The following PRKCA variants were observed in gnomAD, a reference collection of about 807,000 sequenced individuals.
PRKCA encodes the protein protein kinase C alpha type.
PRKCA carries 27 observed loss-of-function variants against 87.0 expected under a neutral mutation model. That is an observed-to-expected ratio of 0.31 (90% CI 0.23 to 0.43). PRKCA has a LOEUF of 0.43. PRKCA is among the 20% of genes least tolerant of loss of function. The probability of loss-of-function intolerance (pLI) is 1.00; values close to 1 mark genes in which losing one functional copy is unlikely to be tolerated. For missense variants in PRKCA, 518 were observed against 852.3 expected (o/e 0.61, Z 4.88); for synonymous variants, 329 against 311.1 (o/e 1.06, Z -0.61).
At chr17:66,371,573 T>C (rs953638567) in intron 2 of PRKCA, among the ~76,000 whole-genome samples, 1 of 152,202 alleles carries the variant, frequency 6.6e-6, no homozygotes, top group Non-Finnish European at 1.5e-5. Flanking sequence ...AGTTTTTTTA[T>C]CTGTAACATG....
chr17:66,544,149 G>A (rs907766077), intron 3 of PRKCA, among the ~76,000 whole-genome samples: 20 of 152,102 alleles, frequency 1.3e-4, no homozygotes, highest in East Asian at 5.8e-4. Flanking sequence ...GCTGGAACCC[G>A]GGAGGTGGAG....
intron 2 of PRKCA, among the ~76,000 whole-genome samples, chr17:66,460,251 C>CTG (rs1172993195): frequency 6.6e-6 from 1 of 152,132 alleles, no homozygotes; most frequent in Non-Finnish European, 1.5e-5. Context: ...GGTATGTGGG[C>CTG]TGTGTGTGTA....
Position 66,810,096 on chromosome 17 carries a change from T to C in PRKCA, c.*6059T>C, listed in dbSNP as rs1976131879. 6.6e-6 allele frequency: 1 copy of C among 152,196 alleles called. No homozygotes were observed. The highest frequency in any genetic ancestry group is 2.1e-4 in the South Asian group (1 of 4,834). The allele number at this position is 152,196 out of a possible 1,614,324, so 9.4% of individuals were successfully genotyped here. A position where few individuals can be genotyped will look rare whatever the true frequency, so the allele number is the denominator to read the frequency against. Reference sequence around the variant, plus strand: ...AGAACTCGGCTTTTCAGAAAATAGGTGTCAAGTCCACTTTATAAGAACCTT... The same window carrying C: ...AGAACTCGGCTTTTCAGAAAATAGGCGTCAAGTCCACTTTATAAGAACCTT... On this transcript the variant is annotated 3_prime_UTR_variant, in exon 17 of 17. Transcript: ENST00000413366.
At chr17:66,784,790 C>T (rs1380635258) in intron 14 of PRKCA, among the ~76,000 whole-genome samples, 1 of 152,166 alleles carries the variant, frequency 6.6e-6, no homozygotes, top group Non-Finnish European at 1.5e-5. Flanking sequence ...ATGAAAGCCA[C>T]ACGTCCCCCT....
At chr17:66,532,244 T>C (rs1005001960) in intron 3 of PRKCA, among the ~76,000 whole-genome samples, 7 of 152,176 alleles carry the variant, frequency 4.6e-5, no homozygotes, top group Non-Finnish European at 2.9e-5. Context: ...TTCAGAGCTT[T>C]AAAAAAGTCA....
At chr17:66,645,573 T>C (rs1290413283) in intron 5 of PRKCA, 62 bp downstream of exon 5, 14 of 1,600,176 alleles carry the variant, frequency 8.7e-6, no homozygotes, top group Non-Finnish European at 1.0e-5. Flanking sequence ...GTTACACTGA[T>C]ATTAAGGCAG....
intron 8 of PRKCA, among the ~76,000 whole-genome samples, chr17:66,723,807 G>A (rs371921597): frequency 3.7e-4 from 56 of 152,274 alleles, no homozygotes; most frequent in Admixed American, 2.4e-3. Flanking sequence ...ATAAGGAACC[G>A]GGGGCTCAGA....
chr17:66,499,449 T>C (rs754209128), intron 3 of PRKCA, among the ~76,000 whole-genome samples: 3 of 152,192 alleles, frequency 2.0e-5, no homozygotes, highest in African/African-American at 4.8e-5. Context: ...TAACATACAG[T>C]TTGTAAAGGA....
intron 3 of PRKCA, among the ~76,000 whole-genome samples, chr17:66,619,155 CA>C (rs1193220172): frequency 6.6e-6 from 1 of 152,148 alleles, no homozygotes; most frequent in African/African-American, 2.4e-5. Context: ...TGCAAACTGG[CA>C]GAAGTAGTGG....
chr17:66,781,275 C>T (rs760756300), intron 14 of PRKCA, among the ~76,000 whole-genome samples: 12 of 152,016 alleles, frequency 7.9e-5, no homozygotes, highest in African/African-American at 1.4e-4. Context: ...TGACCAGCAC[C>T]GGCCAATGAG....
chr17:66,791,566 G>T (rs1401284682), intron 16 of PRKCA, among the ~76,000 whole-genome samples: 1 of 152,214 alleles, frequency 6.6e-6, no homozygotes, highest in Non-Finnish European at 1.5e-5. Context: ...GCAGCGATGT[G>T]CCTCTTGAGA....
At chr17:66,695,801 G>C (rs888361310) in intron 8 of PRKCA, among the ~76,000 whole-genome samples, 1 of 152,178 alleles carries the variant, frequency 6.6e-6, no homozygotes, top group Non-Finnish European at 1.5e-5. Flanking sequence ...GGATATTTCT[G>C]TTGTCAGAAT....
chr17:66,583,063 T>A (rs1160309328), intron 3 of PRKCA, among the ~76,000 whole-genome samples: 1 of 152,184 alleles, frequency 6.6e-6, no homozygotes, highest in Non-Finnish European at 1.5e-5. Flanking sequence ...GCTGTGAGGA[T>A]TAGGTGAATT....
At chr17:66,579,088 C>T (rs1343030847) in intron 3 of PRKCA, among the ~76,000 whole-genome samples, 1 of 152,178 alleles carries the variant, frequency 6.6e-6, no homozygotes, top group Non-Finnish European at 1.5e-5. Context: ...ATGTGCGTTC[C>T]CTAGTCAGTA....
At chr17:66,458,719 G>C (rs981063720) in intron 2 of PRKCA, among the ~76,000 whole-genome samples, 2 of 152,088 alleles carry the variant, frequency 1.3e-5, no homozygotes, top group African/African-American at 4.8e-5. Flanking sequence ...GAGCTCAGGT[G>C]GTCCGCCCAC....
At chr17:66,726,174 A>G (rs1265195173) in intron 8 of PRKCA, among the ~76,000 whole-genome samples, 1 of 151,550 alleles carries the variant, frequency 6.6e-6, no homozygotes, top group African/African-American at 2.4e-5. Context: ...CAGAAAGCTC[A>G]GGTGTTCGCA....
intron 7 of PRKCA, among the ~76,000 whole-genome samples, 183 bp downstream of exon 7, chr17:66,688,619 A>G (rs1232798889): frequency 6.6e-6 from 1 of 151,994 alleles, no homozygotes; most frequent in African/African-American, 2.4e-5. Context: ...CCTGGGCAAC[A>G]TGGAGAAACC....
At chr17:66,668,991 TACTCAGGA>T (rs1972107938) in intron 5 of PRKCA, among the ~76,000 whole-genome samples, 1 of 152,022 alleles carries the variant, frequency 6.6e-6, no homozygotes, top group South Asian at 2.1e-4. Flanking sequence ...TAGTCCCAGC[TACTCAGGA>T]GATTGAGGTG....
At chr17:66,437,191 CAG>C (rs1162656728) in intron 2 of PRKCA, among the ~76,000 whole-genome samples, 1 of 152,160 alleles carries the variant, frequency 6.6e-6, no homozygotes, top group Admixed American at 6.5e-5. Flanking sequence ...ATGGGGAACA[CAG>C]AGGAGAAAGG....
Sources: allele counts gnomAD v4.1 joint callset (sites outside exome capture counted in the v4.1 genomes callset), GRCh38; gene constraint gnomAD v4.1.1; transcripts MANE v1.5; gene names NCBI Gene and HGNC (gene_info 2026-07-23, HGNC 2026-07-21).